The following TULP3 variants were observed in gnomAD, a reference collection of about 807,000 sequenced individuals.
TULP3 encodes TUB like protein 3.
In TULP3, 38 loss-of-function variants were observed where a neutral mutation model predicts 50.7. That is an observed-to-expected ratio of 0.75 (90% CI 0.58 to 0.98). The LOEUF (loss-of-function observed/expected upper bound fraction) is 0.98. TULP3 is among the 50% of genes least tolerant of loss of function. The probability of loss-of-function intolerance (pLI) is 0.00; values close to 1 mark genes in which losing one functional copy is unlikely to be tolerated. For missense variants in TULP3, 550 were observed against 568.0 expected (o/e 0.97, Z 0.32); for synonymous variants, 183 against 196.6 (o/e 0.93, Z 0.58).
chr12:2,912,502 C>A (rs990560232), intron 2 of TULP3, among the ~76,000 whole-genome samples: 2 of 152,026 alleles, frequency 1.3e-5, no homozygotes, highest in Non-Finnish European at 2.9e-5. Context: ...GAAGCCCTGC[C>A]CAGATGTACA....
In TULP3 at chr12:2,938,369, G is replaced by A; in HGVS notation, c.1195+84G>A. 2.1e-6 allele frequency: 3 copies of A among 1,417,036 alleles called. No individual in the cohort carries two copies. The East Asian group carries it at 6.9e-5, about 33-fold the overall frequency. 87.8% of individuals were successfully genotyped at this position (1,417,036 alleles called of 1,614,324 possible). ...AATGCACATTCCCTGTACATGATAG[G>A]AAGTGACAGTCAGCAGATAATCATG... is the stretch of plus-strand genomic sequence containing the variant. On this transcript the variant is annotated intron_variant, in intron 10 of 10. Transcript: ENST00000448120.
chr12:2,901,998 T>G (rs773467112), intron 1 of TULP3, among the ~76,000 whole-genome samples: 2 of 152,240 alleles, frequency 1.3e-5, no homozygotes, highest in Admixed American at 1.3e-4. Context: ...AGTTGTTTTC[T>G]TGAGGTAAAC....
chr12:2,907,662 T>A (rs879470700), intron 1 of TULP3, among the ~76,000 whole-genome samples: 146 of 90,108 alleles, frequency 1.6e-3, no homozygotes, highest in Non-Finnish European at 1.8e-3. Flanking sequence ...AAAAAAAAAA[T>A]TTTTTATTCT....
At chr12:2,895,615 T>C (rs2098175094) in intron 1 of TULP3, among the ~76,000 whole-genome samples, 1 of 152,226 alleles carries the variant, frequency 6.6e-6, no homozygotes. Flanking sequence ...ACATACTTTG[T>C]TAATAGCTCT....
At chr12:2,921,228 C>T (rs1262530234) in intron 3 of TULP3, among the ~76,000 whole-genome samples, 1 of 152,162 alleles carries the variant, frequency 6.6e-6, no homozygotes, top group Admixed American at 6.5e-5. Context: ...CAACCTCCTC[C>T]TCCCAGGTTC....
intron 1 of TULP3, among the ~76,000 whole-genome samples, chr12:2,907,742 C>T (rs1190728898): frequency 2.0e-5 from 3 of 151,486 alleles, no homozygotes. Context: ...TTTTGTCACA[C>T]TATATTAATG....
chr12:2,898,716 A>G (rs550237989), intron 1 of TULP3, among the ~76,000 whole-genome samples: 3 of 152,148 alleles, frequency 2.0e-5, no homozygotes, highest in African/African-American at 4.8e-5. Flanking sequence ...GGTTCTCACT[A>G]TGTGCCCAGG....
chr12:2,934,326 A>G, intron 7 of TULP3, 121 bp from the exon 8 acceptor site: 1 of 585,836 alleles, frequency 1.7e-6, no homozygotes, highest in South Asian at 3.3e-5. Context: ...TGAAAAAGTG[A>G]TGATGAACAT....
chr12:2,901,770 A>G lies in TULP3; in HGVS notation c.42-7759A>G, dbSNP rs549910370. ...TTTTTGTTGGATATATGTTTCACAAATATTTTCCCTAGTTTGTGGCTTGCC... is the reference window on the plus strand; with the variant it reads ...TTTTTGTTGGATATATGTTTCACAAGTATTTTCCCTAGTTTGTGGCTTGCC... On this transcript the variant is annotated intron_variant, in intron 1 of 10. Transcript: ENST00000448120. 3.9e-5 allele frequency among the ~76,000 whole-genome samples: 6 copies of G among 152,200 alleles called. 1 individual carries two copies. Among genetic ancestry groups the G allele is most frequent in the South Asian group, 2.1e-4 (1 of 4,834 alleles).
Position 2,940,659 on chromosome 12 carries a change from C to A in TULP3, c.*1215C>A. On this transcript the variant is annotated 3_prime_UTR_variant, in exon 11 of 11. Coordinates refer to ENST00000448120, the MANE Select transcript of TULP3 (RefSeq NM_003324.5). The stretch of plus-strand genomic sequence containing the variant: ...CACCCGTGGCGGCTGCTCCCTCAGA[C>A]CTCCCTTCTGTGGACTGACCTCTCA... The A allele has an allele frequency of 6.4e-7, 1 of 1,551,714 alleles. No homozygotes were observed. The highest frequency in any genetic ancestry group is 2.4e-5 in the East Asian group (1 of 40,920).
At chr12:2,899,345 C>CAAAAAA (rs55818833) in intron 1 of TULP3, among the ~76,000 whole-genome samples, 81 of 82,388 alleles carry the variant, frequency 9.8e-4, no homozygotes, top group Non-Finnish European at 1.2e-3. Flanking sequence ...AACGACGTCT[C>CAAAAAA]AAAAAAAAAA....
intron 4 of TULP3, among the ~76,000 whole-genome samples, chr12:2,926,320 T>C (rs2098194636): frequency 6.6e-6 from 1 of 151,856 alleles, no homozygotes; most frequent in South Asian, 2.1e-4. Flanking sequence ...GGCAACTTGG[T>C]GAAACCCCAT....
chr12:2,923,477 T>G (rs2098192928), intron 4 of TULP3, among the ~76,000 whole-genome samples: 1 of 151,842 alleles, frequency 6.6e-6, no homozygotes, highest in Non-Finnish European at 1.5e-5. Flanking sequence ...GGTGAAACCC[T>G]TCTCTACTAA....
intron 2 of TULP3, among the ~76,000 whole-genome samples, chr12:2,909,983 C>G (rs2098184530): frequency 6.6e-6 from 1 of 152,142 alleles, no homozygotes; most frequent in African/African-American, 2.4e-5. Flanking sequence ...GAGCTTGCTG[C>G]CGTGCTGCTT....
chr12:2,927,543 T>C (rs10848743), intron 4 of TULP3, among the ~76,000 whole-genome samples: 72,455 of 151,194 alleles, frequency 0.48, 17,862 homozygotes, highest in African/African-American at 0.6. Flanking sequence ...TTAGTAGAGA[T>C]AGGGTTTCAC....
chr12:2,900,036 G>A (rs1305735217), intron 1 of TULP3, among the ~76,000 whole-genome samples: 1 of 151,204 alleles, frequency 6.6e-6, no homozygotes, highest in African/African-American at 2.4e-5. Context: ...CCAATGTGTT[G>A]GAACCCCGTC....
rs111471294 is a variant in TULP3, at chr12:2,936,144, C to T, written c.925-1487C>T. On this transcript the variant is annotated intron_variant, in intron 8 of 10. Transcript: ENST00000448120. ...AATTAGCCAGGCGTGGTGGCAGGCA[C>T]CTGTAATCCCAGCTACTCGGGAGGC... is the stretch of plus-strand genomic sequence containing the variant. 2.2e-3 allele frequency among the ~76,000 whole-genome samples: 337 copies of T among 152,218 alleles called. 1 individual carries two copies. Among genetic ancestry groups the T allele is most frequent in the African/African-American group, 7.4e-3 (307 of 41,534 alleles).
At chr12:2,910,731 TTAAAG>T (rs1461587850) in intron 2 of TULP3, among the ~76,000 whole-genome samples, 1 of 152,174 alleles carries the variant, frequency 6.6e-6, no homozygotes, top group Non-Finnish European at 1.5e-5. Flanking sequence ...ATAAATTATT[TTAAAG>T]GTGGAATTAC....
intron 1 of TULP3, among the ~76,000 whole-genome samples, chr12:2,899,620 G>A (rs1440050351): frequency 5.9e-5 from 9 of 151,720 alleles, no homozygotes; most frequent in South Asian, 2.1e-4. Flanking sequence ...GGGGCCGGGC[G>A]TGGTGGCTCA....
Sources: allele counts gnomAD v4.1 joint callset (sites outside exome capture counted in the v4.1 genomes callset), GRCh38; gene constraint gnomAD v4.1.1; transcripts MANE v1.5; gene names NCBI Gene and HGNC (gene_info 2026-07-23, HGNC 2026-07-21).